Variants in MANBA observed in about 807,000 individuals in gnomAD.
MANBA encodes the protein beta-mannosidase.
A neutral mutation model predicts 111.1 loss-of-function variants in MANBA; 83 were observed. The observed-to-expected ratio is 0.75, with a 90% CI of 0.63 to 0.90. The LOEUF is 0.90. Among genes scored for constraint, MANBA ranks in the 40% least tolerant of loss-of-function variants. The pLI is 0.00. For missense variants in MANBA, 1,036 were observed against 1,069.0 expected, an observed-to-expected ratio of 0.97 and a Z score of 0.43; for synonymous variants, 370 against 378.7, an observed-to-expected ratio of 0.98 and a Z score of 0.27.
intron 1 of MANBA, chr4:102,730,802 T>C (rs1723005712): frequency 9.3e-6 from 4 of 431,534 alleles, no homozygotes; most frequent in Non-Finnish European, 1.8e-5. Flanking sequence ...TTAATTTCCT[T>C]ATACTTTGTC....
At chr4:102,705,528 A>C (rs570023119) in intron 5 of MANBA, among the ~76,000 whole-genome samples, 1 of 151,786 alleles carries the variant, frequency 6.6e-6, no homozygotes, top group South Asian at 2.1e-4. Context: ...ATTTCAAAAC[A>C]CCCTGTGGAA....
intron 7 of MANBA, among the ~76,000 whole-genome samples, chr4:102,688,672 G>T (rs187411865): frequency 3.9e-5 from 6 of 152,224 alleles, no homozygotes; most frequent in Admixed American, 2.6e-4. Context: ...AAGCCATCTC[G>T]TTCTTATTGT....
intron 1 of MANBA, chr4:102,727,566 G>A: frequency 6.2e-7 from 1 of 1,606,008 alleles, no homozygotes; most frequent in South Asian, 1.1e-5. Context: ...GATCACCTGG[G>A]GACGAGAGCA....
chr4:102,634,182 C>A (rs889158653), intron 16 of MANBA, among the ~76,000 whole-genome samples: 1 of 152,168 alleles, frequency 6.6e-6, no homozygotes, highest in African/African-American at 2.4e-5. Flanking sequence ...TCTCCAGCTG[C>A]ACAATTTTTA....
chr4:102,654,320 G>A (rs546282704), intron 12 of MANBA, among the ~76,000 whole-genome samples: 2 of 152,144 alleles, frequency 1.3e-5, no homozygotes, highest in Admixed American at 1.3e-4. Context: ...AAAAAACGGG[G>A]TATGGAATTT....
chr4:102,712,280 T>TTA (rs756790791), intron 5 of MANBA, among the ~76,000 whole-genome samples: 1 of 152,200 alleles, frequency 6.6e-6, no homozygotes, highest in Non-Finnish European at 1.5e-5. Flanking sequence ...AAATTGAATT[T>TTA]TAAGCATCAT....
chr4:102,729,133 C>T (rs1254647003), intron 1 of MANBA: 1 of 730,760 alleles, frequency 1.4e-6, no homozygotes, highest in African/African-American at 1.7e-5. Context: ...CGTTGGCATC[C>T]TTAACAGCCA....
chr4:102,645,994 C>T (rs919587025), intron 13 of MANBA, among the ~76,000 whole-genome samples: 2 of 152,078 alleles, frequency 1.3e-5, no homozygotes, highest in Admixed American at 1.3e-4. Flanking sequence ...AAAGCAGAAA[C>T]CCTACTCCAT....
intron 7 of MANBA, among the ~76,000 whole-genome samples, chr4:102,689,368 A>C (rs1275483214): frequency 1.1e-5 from 1 of 92,662 alleles, no homozygotes; most frequent in Non-Finnish European, 2.5e-5. Context: ...AAATATATAT[A>C]TATATATATA....
At chr4:102,744,182 T>C (rs1480673949) in intron 1 of MANBA, among the ~76,000 whole-genome samples, 1 of 152,222 alleles carries the variant, frequency 6.6e-6, no homozygotes, top group Non-Finnish European at 1.5e-5. Context: ...GCCTCTTTCT[T>C]GGTTGTAGAA....
chr4:102,692,909 C>T (rs749170447), intron 5 of MANBA, among the ~76,000 whole-genome samples: 1 of 151,816 alleles, frequency 6.6e-6, no homozygotes, highest in Non-Finnish European at 1.5e-5. Flanking sequence ...TGACAAAAGA[C>T]GTTATAACCG....
At chr4:102,632,978 C>T (rs1335798471) in intron 16 of MANBA, among the ~76,000 whole-genome samples, 2 of 152,220 alleles carry the variant, frequency 1.3e-5, no homozygotes, top group African/African-American at 4.8e-5. Flanking sequence ...GAGCTGAGTG[C>T]AACCTGGTTT....
At chr4:102,730,619 T>G in intron 1 of MANBA, 1 of 542,226 alleles carries the variant, frequency 1.8e-6, no homozygotes, top group East Asian at 5.3e-5. Context: ...TTGATGCCAT[T>G]GCTGTCTGAG....
chr4:102,714,644 T>G, intron 4 of MANBA, 83 bp from the exon 5 acceptor site: 1 of 1,374,330 alleles, frequency 7.3e-7, no homozygotes, highest in Non-Finnish European at 1.0e-6. Context: ...TTTAAAAATG[T>G]TACATATGTG....
At chr4:102,702,357 T>C (rs28667963) in intron 5 of MANBA, among the ~76,000 whole-genome samples, 3,876 of 151,694 alleles carry the variant, frequency 0.026, 107 homozygotes, top group African/African-American at 0.072. Flanking sequence ...TCTCTCAACT[T>C]GTCAAAGTCA....
chr4:102,648,272 G>C (rs1730186432), intron 13 of MANBA, among the ~76,000 whole-genome samples: 5 of 152,018 alleles, frequency 3.3e-5, no homozygotes, highest in Admixed American at 2.0e-4. Context: ...TTGTATATGA[G>C]TATTCCTAAC....
chr4:102,712,789 A>C (rs1004586131), intron 5 of MANBA, among the ~76,000 whole-genome samples: 1 of 152,174 alleles, frequency 6.6e-6, no homozygotes, highest in Non-Finnish European at 1.5e-5. Flanking sequence ...TTGGCCTCCC[A>C]AAGTGCTGGA....
chr4:102,728,108 G>A, intron 1 of MANBA: 2 of 536,484 alleles, frequency 3.7e-6, no homozygotes, highest in African/African-American at 1.9e-5. Context: ...GAAGACTGCT[G>A]CCTTATGCTC....
At chr4:102,639,917 G>A (rs1729807004) in intron 13 of MANBA, 60 bp from the exon 14 acceptor site, 3 of 1,579,084 alleles carry the variant, frequency 1.9e-6, no homozygotes, top group Middle Eastern at 1.7e-4. Context: ...GCCTAGATCT[G>A]AGAAAAATAC....
Sources: gnomAD v4.1 joint callset for allele counts (sites outside exome capture counted in the v4.1 genomes callset) on GRCh38, gnomAD v4.1.1 for gene constraint, MANE v1.5 for transcripts, NCBI Gene and HGNC (gene_info 2026-07-23, HGNC 2026-07-21) for gene names.